The following TEAD1 variants were observed in gnomAD, a reference collection of about 807,000 sequenced individuals.
TEAD1 encodes the protein TEA domain transcription factor 1, also known as transcriptional enhancer factor TEF-1.
Under a neutral mutation model 54.9 loss-of-function variants are expected in TEAD1, and 9 were observed. The observed-to-expected ratio is 0.16, with a 90% CI of 0.10 to 0.29. TEAD1 has a LOEUF of 0.29. TEAD1 is among the 10% of genes least tolerant of loss of function. TEAD1 has a pLI of 1.00. For missense variants in TEAD1, 387 were observed against 535.9 expected, an observed-to-expected ratio of 0.72 and a Z score of 2.74; for synonymous variants, 200 against 187.8, an observed-to-expected ratio of 1.07 and a Z score of -0.53.
At chr11:12,875,199 C>T (rs1947830222) in intron 5 of TEAD1, among the ~76,000 whole-genome samples, 1 of 152,156 alleles carries the variant, frequency 6.6e-6, no homozygotes, top group Non-Finnish European at 1.5e-5. Flanking sequence ...TTTGAATTTA[C>T]CTAGCTTCGC....
At chr11:12,741,749 C>T (rs1229002281) in intron 2 of TEAD1, among the ~76,000 whole-genome samples, 1 of 152,124 alleles carries the variant, frequency 6.6e-6, no homozygotes, top group African/African-American at 2.4e-5. Flanking sequence ...CTTTTTTCCC[C>T]CTGCCTTGCA....
chr11:12,869,922 C>CG (rs1947704654), intron 5 of TEAD1, among the ~76,000 whole-genome samples: 1 of 152,130 alleles, frequency 6.6e-6, no homozygotes, highest in South Asian at 2.1e-4. Flanking sequence ...CTTTGTCGCC[C>CG]GGGCGGGAGT....
intron 9 of TEAD1, among the ~76,000 whole-genome samples, chr11:12,893,432 A>C (rs4757965): frequency 0.79 from 120,330 of 152,134 alleles, 49,979 homozygotes; most frequent in Middle Eastern, 0.93. Flanking sequence ...CTGTGTTTCT[A>C]AGATGCTCTG....
At chr11:12,768,694 G>A (rs1406340526) in intron 3 of TEAD1, among the ~76,000 whole-genome samples, 1 of 152,212 alleles carries the variant, frequency 6.6e-6, no homozygotes, top group Non-Finnish European at 1.5e-5. Context: ...TTGAGCCCCA[G>A]CGCAGCTGTA....
chr11:12,859,343 G>A (rs943110825), intron 3 of TEAD1, among the ~76,000 whole-genome samples: 2 of 150,196 alleles, frequency 1.3e-5, no homozygotes, highest in Admixed American at 6.6e-5. Context: ...GACAAGGTTC[G>A]GACAAAATTG....
intron 3 of TEAD1, among the ~76,000 whole-genome samples, chr11:12,799,583 T>C (rs1257599252): frequency 6.6e-6 from 1 of 152,246 alleles, no homozygotes; most frequent in Non-Finnish European, 1.5e-5. Context: ...TTTTCAGATA[T>C]TATCTTCCTT....
At chr11:12,872,878 G>T (rs1947781979) in intron 5 of TEAD1, among the ~76,000 whole-genome samples, 1 of 152,164 alleles carries the variant, frequency 6.6e-6, no homozygotes, top group Non-Finnish European at 1.5e-5. Context: ...AGCTCACCCA[G>T]GGCCAAGGCT....
In TEAD1 at chr11:12,776,792, TATTATTATC is replaced by T. The variant is rs1362512193; in HGVS notation, c.202+12367_202+12375del. ...TTATTATTATTATTATTATTATTAT[TATTATTATC>T]ATTATTATTATTTTTGAGATGGAGT... is the stretch of plus-strand genomic sequence containing the variant. On this transcript the variant is annotated intron_variant, in intron 3 of 12. Transcript: ENST00000527636. Among the ~76,000 whole-genome samples, 314 of 116,724 alleles carry T rather than the reference TATTATTATC, an allele frequency of 2.7e-3. 1 individual carries two copies. Among genetic ancestry groups the T allele is most frequent in the African/African-American group, 0.023 (308 of 13,492 alleles). 76.6% of individuals were successfully genotyped at this position (116,724 alleles called of 152,430 possible). A position where few individuals can be genotyped will look rare whatever the true frequency, so the allele number is the denominator to read the frequency against.
At chr11:12,881,207 C>T (rs547669834) in intron 7 of TEAD1, among the ~76,000 whole-genome samples, 156 bp downstream of exon 7, 50 of 152,148 alleles carry the variant, frequency 3.3e-4, no homozygotes, top group Non-Finnish European at 5.7e-4. Context: ...TGTACTTAGG[C>T]CCCTGGCAGG....
At chr11:12,753,787 G>T (rs1944927652) in intron 2 of TEAD1, among the ~76,000 whole-genome samples, 2 of 152,120 alleles carry the variant, frequency 1.3e-5, no homozygotes, top group African/African-American at 4.8e-5. Context: ...TAGTGCTTTT[G>T]TGTTCCTTTA....
At chr11:12,879,366 TC>T in intron 5 of TEAD1, 1 of 566,076 alleles carries the variant, frequency 1.8e-6, no homozygotes, top group Non-Finnish European at 3.1e-6. Flanking sequence ...TATTTTTTTT[TC>T]TTCCTTAAAT....
At chr11:12,887,375 G>A (rs183567009) in intron 9 of TEAD1, among the ~76,000 whole-genome samples, 12 of 152,224 alleles carry the variant, frequency 7.9e-5, no homozygotes, top group East Asian at 7.7e-4. Flanking sequence ...GATTACAGGC[G>A]TGAACCACCG....
Position 12,937,244 on chromosome 11 carries a change from G to A in TEAD1, c.*22G>A. 6.6e-7 allele frequency: 1 copy of A among 1,504,752 alleles called. No individual in the cohort carries two copies. Among genetic ancestry groups the A allele is most frequent in the Non-Finnish European group, 9.2e-7 (1 of 1,083,756 alleles). 93.2% of individuals were successfully genotyped at this position (1,504,752 alleles called of 1,614,324 possible). A position where few individuals can be genotyped will look rare whatever the true frequency, so the allele number is the denominator to read the frequency against. ...CTGAACATGGTTATTTATATATATA[G>A]ATATCTGTATATACACACACACATA... is the stretch of plus-strand genomic sequence containing the variant. On this transcript the variant is annotated 3_prime_UTR_variant, in exon 13 of 13. Coordinates refer to ENST00000527636, the MANE Select transcript of TEAD1 (RefSeq NM_021961.6).
chr11:12,770,257 T>C (rs959918781), intron 3 of TEAD1, among the ~76,000 whole-genome samples: 22 of 152,180 alleles, frequency 1.4e-4, no homozygotes, highest in African/African-American at 5.3e-4. Context: ...CAAAAGTGTA[T>C]GCACAAGGTG....
chr11:12,835,609 C>T (rs1394666576), intron 3 of TEAD1, among the ~76,000 whole-genome samples: 3 of 151,998 alleles, frequency 2.0e-5, no homozygotes, highest in South Asian at 2.1e-4. Context: ...CGTGAGCCAC[C>T]GTACCCGGTG....
chr11:12,760,396 C>T (rs796938282), intron 2 of TEAD1, among the ~76,000 whole-genome samples: 3 of 152,274 alleles, frequency 2.0e-5, no homozygotes, highest in Non-Finnish European at 2.9e-5. Context: ...AAAGTAGTTG[C>T]GGTAGTTTGA....
At chr11:12,675,172 C>T (rs1022626203) in intron 1 of TEAD1, among the ~76,000 whole-genome samples, 1 of 150,810 alleles carries the variant, frequency 6.6e-6, no homozygotes, top group Non-Finnish European at 1.5e-5. Flanking sequence ...CACACACCCT[C>T]GGGCGCCTTG....
At chr11:12,855,961 A>C (rs1947368213) in intron 3 of TEAD1, among the ~76,000 whole-genome samples, 1 of 151,098 alleles carries the variant, frequency 6.6e-6, no homozygotes, top group Non-Finnish European at 1.5e-5. Flanking sequence ...AAAAAAAAAA[A>C]AGGAGTGGTG....
At chr11:12,743,257 C>T (rs948160794) in intron 2 of TEAD1, among the ~76,000 whole-genome samples, 9 of 152,172 alleles carry the variant, frequency 5.9e-5, no homozygotes, top group East Asian at 1.9e-4. Flanking sequence ...CAATATATGT[C>T]GAGCTTATTG....
Sources: allele counts gnomAD v4.1 joint callset (sites outside exome capture counted in the v4.1 genomes callset), GRCh38; gene constraint gnomAD v4.1.1; transcripts MANE v1.5; gene names NCBI Gene and HGNC (gene_info 2026-07-23, HGNC 2026-07-21).